The following ROCK2 variants were observed in gnomAD, a reference collection of about 807,000 sequenced individuals.
ROCK2 encodes rho-associated protein kinase 2.
In ROCK2, 61 loss-of-function variants were observed where a neutral mutation model predicts 195.1. The observed-to-expected ratio is 0.31, with a 90% CI of 0.25 to 0.39. The LOEUF (loss-of-function observed/expected upper bound fraction) is 0.39, where lower values mean the gene tolerates loss of function less well. ROCK2 is among the 10% of genes least tolerant of loss of function. ROCK2 has a pLI of 1.00. For missense variants in ROCK2, 1,109 were observed against 1,637.4 expected (o/e 0.68, Z 5.57); for synonymous variants, 504 against 545.5 (o/e 0.92, Z 1.06).
intron 1 of ROCK2, among the ~76,000 whole-genome samples, chr2:11,311,531 C>G (rs1668035762): frequency 6.6e-6 from 1 of 152,148 alleles, no homozygotes; most frequent in South Asian, 2.1e-4. Flanking sequence ...AAAATAAAAA[C>G]TAGACCAACC....
At chr2:11,188,426 T>C (rs567771755) in intron 32 of ROCK2, among the ~76,000 whole-genome samples, 1 of 152,120 alleles carries the variant, frequency 6.6e-6, no homozygotes, top group South Asian at 2.1e-4. Flanking sequence ...GGTATATTTT[T>C]ATCTTGCATT....
At chr2:11,290,262 A>G (rs1439290337) in intron 1 of ROCK2, among the ~76,000 whole-genome samples, 3 of 152,162 alleles carry the variant, frequency 2.0e-5, no homozygotes, top group Admixed American at 1.3e-4. Context: ...ATAAACTTTC[A>G]TAAGTTTTAA....
rs530449091 is a variant in ROCK2 at position 11,193,765 on chromosome 2, A to C, written c.3687+14T>G. ...CAAAGCCAACCAACCAAATATAAACAAAACTATGTTTACCTGGAATATCCT... is the reference window on the plus strand; with the variant it reads ...CAAAGCCAACCAACCAAATATAAACCAAACTATGTTTACCTGGAATATCCT... On this transcript the variant is annotated intron_variant, in intron 30 of 32. Transcript: ENST00000315872. 1 of 1,521,740 alleles carries C rather than the reference A, an allele frequency of 6.6e-7. No individual in the cohort carries two copies. The allele number at this position is 1,521,740 out of a possible 1,614,324, so 94.3% of individuals were successfully genotyped here.
At chr2:11,309,666 A>G (rs543018075) in intron 1 of ROCK2, among the ~76,000 whole-genome samples, 1 of 152,324 alleles carries the variant, frequency 6.6e-6, no homozygotes, top group Non-Finnish European at 1.5e-5. Context: ...TAATGTTCCT[A>G]ATATGAAACC....
chr2:11,334,531 A>AC (rs1243982285), intron 1 of ROCK2, among the ~76,000 whole-genome samples: 3 of 151,674 alleles, frequency 2.0e-5, no homozygotes, highest in Non-Finnish European at 4.4e-5. Flanking sequence ...AAAAAAAAAA[A>AC]AATTGTTAGT....
At chr2:11,291,567 G>A (rs527420392) in intron 1 of ROCK2, among the ~76,000 whole-genome samples, 12 of 151,700 alleles carry the variant, frequency 7.9e-5, no homozygotes, top group Admixed American at 5.9e-4. Flanking sequence ...AAAACTAATT[G>A]TTGTTAAACA....
chr2:11,196,713 GGTAA>G (rs1332736761), intron 27 of ROCK2, among the ~76,000 whole-genome samples: 3 of 152,162 alleles, frequency 2.0e-5, no homozygotes, highest in African/African-American at 7.2e-5. Flanking sequence ...CGATGAAATG[GGTAA>G]GTAAGGCAAA....
intron 1 of ROCK2, among the ~76,000 whole-genome samples, chr2:11,316,972 T>C (rs781495450): frequency 1.3e-5 from 2 of 152,160 alleles, no homozygotes; most frequent in South Asian, 2.1e-4. Context: ...AAACCTTTAA[T>C]TGATGGAGGA....
rs1024687581 is a variant in ROCK2, at chr2:11,344,323, C to G, written c.-187G>C. 15 of 1,165,316 alleles carry G rather than the reference C, an allele frequency of 1.3e-5. No individual in the cohort carries two copies. Among genetic ancestry groups the G allele is most frequent in the Non-Finnish European group, 1.6e-5 (15 of 948,334 alleles). 72.2% of individuals were successfully genotyped at this position (1,165,316 alleles called of 1,614,324 possible). ...GGGCTGCTCCCAGGGGCCCGCCCGG[C>G]CCAGCCCGGCCCAGCCCGGCCCGGC... On this transcript the variant is annotated 5_prime_UTR_variant, in exon 1 of 33. Transcript: ENST00000315872. The surrounding 1 kb of genome is among the most constrained non-coding windows in gnomAD (Gnocchi z 5.4).
rs1667991550 is a variant in ROCK2 at position 11,310,272 on chromosome 2, C to A, written c.142-22536G>T. On this transcript the variant is annotated intron_variant, in intron 1 of 32. Coordinates refer to ENST00000315872, the MANE Select transcript of ROCK2 (RefSeq NM_004850.5). ...CTGGTGTTAGCACTGATTACAACCT[C>A]ACGGAATACTAAATGAGTTCTGGCC... Among the ~76,000 whole-genome samples, 5 of 152,188 alleles carry A rather than the reference C, an allele frequency of 3.3e-5. No individual in the cohort carries two copies. In the South Asian group the frequency reaches 1.0e-3, roughly 32 times the overall value.
intron 1 of ROCK2, among the ~76,000 whole-genome samples, chr2:11,334,316 T>G (rs780692404): frequency 3.3e-5 from 5 of 151,936 alleles, no homozygotes; most frequent in African/African-American, 4.8e-5. Flanking sequence ...TTTGAGACCA[T>G]CCTGGCCAAC....
chr2:11,288,081 C>T (rs1254552846), intron 1 of ROCK2, among the ~76,000 whole-genome samples: 1 of 152,172 alleles, frequency 6.6e-6, no homozygotes, highest in African/African-American at 2.4e-5. Flanking sequence ...TACAGCTACA[C>T]TAAGTTCCCT....
At position 11,240,229 on chromosome 2, in the gene ROCK2, C is replaced by G. The variant is rs535895593; in HGVS notation, c.463-4267G>C. 5.3e-5 allele frequency among the ~76,000 whole-genome samples: 8 copies of G among 152,320 alleles called. No homozygotes were observed. In the East Asian group the frequency reaches 1.5e-3, roughly 29 times the overall value. On this transcript the variant is annotated intron_variant, in intron 4 of 32. Coordinates refer to ENST00000315872, the MANE Select transcript of ROCK2 (RefSeq NM_004850.5). ...TCTGGCAGCTAAAAGCCTTAATCTT[C>G]TAATCATGTGTTTGGTCTTTTGTAG...
chr2:11,221,275 T>C lies in ROCK2; in HGVS notation c.1182A>G (p.Val394=). The C allele has an allele frequency of 6.3e-7, 1 of 1,593,412 alleles. No homozygotes were observed. Among genetic ancestry groups the C allele is most frequent in the Non-Finnish European group, 8.5e-7 (1 of 1,171,928 alleles). The change falls in exon 9 of 33, where the codon GTA becomes GTG. Residue 394 remains valine (V), a synonymous_variant. Transcript: ENST00000315872. ...AAGCTTTAGGAATTGGGAAGGTTTC[T>C]ACATCTCCTTTGTCATCTTCAATGT... ...FDDIEDDKGD[V]ETFPIPKAFV... is the part of the protein sequence containing the mutation.
intron 1 of ROCK2, among the ~76,000 whole-genome samples, chr2:11,327,563 A>G (rs536068044): frequency 3.6e-4 from 55 of 152,184 alleles, no homozygotes; most frequent in African/African-American, 1.3e-3. Context: ...GAAAGAGAAC[A>G]TGGCCAAGAA....
In ROCK2 at chr2:11,232,319, G is replaced by T. The variant is rs114506448; in HGVS notation, c.723+3383C>A. Among the ~76,000 whole-genome samples, 1,356 of 152,108 alleles carry T rather than the reference G, an allele frequency of 8.9e-3. 16 individuals are homozygous for T. Among genetic ancestry groups the T allele is most frequent in the African/African-American group, 0.031 (1,281 of 41,484 alleles). ...AATTTTTCTGTTTTTAGTAGAAACG[G>T]GGGTTCACCTTGTTTCCCAGGCTGG... On this transcript the variant is annotated intron_variant, in intron 5 of 32. Transcript: ENST00000315872.
chr2:11,293,131 T>C (rs1667411298), intron 1 of ROCK2, among the ~76,000 whole-genome samples: 1 of 152,174 alleles, frequency 6.6e-6, no homozygotes, highest in Non-Finnish European at 1.5e-5. Context: ...TACACAGATG[T>C]GTTTTATAAA....
At chr2:11,327,205 A>C (rs948635597) in intron 1 of ROCK2, among the ~76,000 whole-genome samples, 3 of 152,196 alleles carry the variant, frequency 2.0e-5, no homozygotes, top group African/African-American at 7.2e-5. Flanking sequence ...GATTCTGGCA[A>C]GAAGTTTAAA....
At chr2:11,227,120 C>T (rs1664840784) in intron 6 of ROCK2, 134 bp downstream of exon 6, 1 of 767,378 alleles carries the variant, frequency 1.3e-6, no homozygotes, top group East Asian at 2.7e-5. Flanking sequence ...TCAGATACTA[C>T]TAATTCAAAG....
Sources: gnomAD v4.1 joint callset for allele counts (sites outside exome capture counted in the v4.1 genomes callset) on GRCh38, gnomAD v4.1.1 for gene constraint, Gnocchi (gnomAD v3.1) non-coding constraint, MANE v1.5 for transcripts, NCBI Gene and HGNC (gene_info 2026-07-23, HGNC 2026-07-21) for gene names.